Variants in CEP85 observed in about 807,000 individuals in gnomAD.
CEP85 encodes centrosomal protein 85, also known as centrosomal protein of 85 kDa.
A neutral mutation model predicts 93.7 loss-of-function variants in CEP85; 58 were observed. That is an observed-to-expected ratio of 0.62 (90% CI 0.50 to 0.77). The LOEUF is 0.77. Among genes scored for constraint, CEP85 ranks in the 30% least tolerant of loss-of-function variants. The pLI is 0.00. For synonymous variants in CEP85, 314 were observed against 338.6 expected, an observed-to-expected ratio of 0.93 and a Z score of 0.80; for missense variants, 868 against 922.0, an observed-to-expected ratio of 0.94 and a Z score of 0.76.
intron 12 of CEP85, 33 bp downstream of exon 12, chr1:26,275,104 C>T: frequency 2.0e-6 from 3 of 1,482,074 alleles, no homozygotes; most frequent in Non-Finnish European, 2.8e-6. Flanking sequence ...CTTGGTTTTG[C>T]CTCCACAAAC....
At chr1:26,275,257 C>G (rs921406512) in intron 12 of CEP85, among the ~76,000 whole-genome samples, 186 bp downstream of exon 12, 12 of 151,276 alleles carry the variant, frequency 7.9e-5, no homozygotes, top group Non-Finnish European at 1.8e-4. Flanking sequence ...CCTGTTTTAG[C>G]ATGTCCATAA....
chr1:26,278,760 T>C lies in CEP85; in HGVS notation c.*1467T>C, dbSNP rs2090089654. The C allele has an allele frequency of 6.6e-6, 1 of 152,552 alleles. No homozygotes were observed. Among genetic ancestry groups the C allele is most frequent in the Non-Finnish European group, 1.5e-5 (1 of 68,034 alleles). The allele number at this position is 152,552 out of a possible 1,614,324, so 9.4% of individuals were successfully genotyped here. On this transcript the variant is annotated 3_prime_UTR_variant, in exon 14 of 14. Transcript: ENST00000451429. ...TTTATATGAATCTTTGTTATGTCCA[T>C]TTGTTTGTATTGCGTATTTTGATTA... is the stretch of plus-strand genomic sequence containing the variant.
rs562714892 is a variant in CEP85, at chr1:26,244,964, C to T, written c.208+646C>T. 7.2e-5 allele frequency among the ~76,000 whole-genome samples: 11 copies of T among 152,264 alleles called. No homozygotes were observed. In the South Asian group the frequency reaches 1.4e-3, roughly 20 times the overall value. On this transcript the variant is annotated intron_variant, in intron 3 of 13. Coordinates refer to ENST00000451429, the MANE Select transcript of CEP85 (RefSeq NM_001319944.2). ...TTGGGCGATGAAGTTCAGAGTCTTC[C>T]GTTCTGTGATCGTCCCTATCCCACC...
At chr1:26,269,668 C>G (rs1045773668) in intron 9 of CEP85, 54 bp downstream of exon 9, 4 of 1,417,540 alleles carry the variant, frequency 2.8e-6, no homozygotes, top group Non-Finnish European at 2.9e-6. Flanking sequence ...TTTGTCATAG[C>G]CATCCTGCTC....
At chr1:26,239,639 A>C in intron 1 of CEP85, 123 bp from the exon 2 acceptor site, 2 of 633,270 alleles carry the variant, frequency 3.2e-6, no homozygotes, top group Non-Finnish European at 5.6e-6. Context: ...GGTGTGAGCC[A>C]CTGTGCCTGG....
chr1:26,277,062 C>A, intron 13 of CEP85, 74 bp from the exon 14 acceptor site: 1 of 1,436,986 alleles, frequency 7.0e-7, no homozygotes, highest in Non-Finnish European at 9.7e-7. Context: ...AAGATACTGC[C>A]TATCCATACT....
At chr1:26,266,535 C>T (rs182061173) in intron 7 of CEP85, among the ~76,000 whole-genome samples, 196 of 152,328 alleles carry the variant, frequency 1.3e-3, no homozygotes, top group Non-Finnish European at 1.9e-3. Context: ...CAGTAAGCTT[C>T]CCAGGTGATT....
intron 2 of CEP85, among the ~76,000 whole-genome samples, chr1:26,242,617 G>A (rs2089444761): frequency 1.3e-5 from 2 of 151,938 alleles, no homozygotes. Context: ...GATGAGAGAA[G>A]CACTAAACTT....
intron 7 of CEP85, among the ~76,000 whole-genome samples, chr1:26,261,066 C>G (rs1415005050): frequency 6.6e-6 from 1 of 151,468 alleles, no homozygotes; most frequent in Non-Finnish European, 1.5e-5. Flanking sequence ...GCTGGGATTA[C>G]AGATGTGACC....
In CEP85 at chr1:26,269,515, A is replaced by G. The variant is rs1355678755; in HGVS notation, c.1550A>G (p.Glu517Gly). The change falls in exon 9 of 14, where the codon GAG (glutamate) becomes GGG (glycine). Residue 517 changes from glutamate to glycine, a missense_variant. Physicochemically the swap from Glu to Gly is moderately conservative, Grantham distance 98 (BLOSUM62 -2). Transcript: ENST00000451429. Reference protein sequence around the residue: ...TELQEKVTELESLLEETQAIC... With the variant: ...TELQEKVTELGSLLEETQAIC... ...CTGCAGGAGAAAGTGACTGAGCTGG[A>G]GAGTTTGCTGGAGGAGACCCAGGCA... 1 of 1,613,974 alleles carries G rather than the reference A, an allele frequency of 6.2e-7. No homozygotes were observed. Among genetic ancestry groups the G allele is most frequent in the African/African-American group, 1.3e-5 (1 of 74,912 alleles).
chr1:26,266,124 G>A (rs896789477), intron 7 of CEP85, among the ~76,000 whole-genome samples: 1 of 151,902 alleles, frequency 6.6e-6, no homozygotes, highest in African/African-American at 2.4e-5. Context: ...CAGGAGAATC[G>A]CTTGAACCCG....
intron 9 of CEP85, among the ~76,000 whole-genome samples, 198 bp downstream of exon 9, chr1:26,269,812 A>T (rs1273827773): frequency 1.1e-5 from 1 of 90,278 alleles, no homozygotes; most frequent in Non-Finnish European, 2.0e-5. Flanking sequence ...TTTGAGACGG[A>T]GTCTTGCTCT....
intron 2 of CEP85, among the ~76,000 whole-genome samples, chr1:26,241,428 T>C (rs779757934): frequency 2.3e-4 from 35 of 151,908 alleles, no homozygotes; most frequent in Non-Finnish European, 4.1e-4. Flanking sequence ...CATTTTTTAA[T>C]AGAGACGGGG....
chr1:26,265,511 T>C (rs184988765), intron 7 of CEP85, among the ~76,000 whole-genome samples: 12 of 152,312 alleles, frequency 7.9e-5, no homozygotes, highest in Admixed American at 4.6e-4. Context: ...ATCTCTCTGA[T>C]TGATTTCTCC....
chr1:26,276,714 G>A lies in CEP85; in HGVS notation c.2082G>A (p.Arg694=), dbSNP rs1442336979. Residue 694 remains arginine, a synonymous_variant, in exon 13 of 14, where the codon AGG becomes AGA. Coordinates refer to ENST00000451429, the MANE Select transcript of CEP85 (RefSeq NM_001319944.2). ...LQAVCSIVTQ[R]AQGHDPNLSL... ...CTGTCTGTAGCATTGTGACCCAGAGGGCCCAGGGCCATGACCCCAATCTCT... is the reference window on the plus strand; with the variant it reads ...CTGTCTGTAGCATTGTGACCCAGAGAGCCCAGGGCCATGACCCCAATCTCT... The A allele has an allele frequency of 6.2e-7, 1 of 1,614,134 alleles. No homozygotes were observed. Among genetic ancestry groups the A allele is most frequent in the Non-Finnish European group, 8.5e-7 (1 of 1,180,012 alleles).
rs1158175598 is a variant in CEP85 at position 26,269,545 on chromosome 1, G to T, written c.1580G>T (p.Cys527Phe). 1 of 1,614,022 alleles carries T rather than the reference G, an allele frequency of 6.2e-7. No homozygotes were observed. The highest frequency in any genetic ancestry group is 8.5e-7 in the Non-Finnish European group (1 of 1,179,942). Residue 527 changes from cysteine to phenylalanine, a missense_variant, in exon 9 of 14, where the codon TGC (cysteine) becomes TTC (phenylalanine). By Grantham distance (205) the Cys-to-Phe change is radical. Transcript: ENST00000451429. ...TTGCTGGAGGAGACCCAGGCAATCT[G>T]CAGAGAGAAGGAGATTCAACTGGAA... The part of the protein sequence containing the change: ...ESLLEETQAI[C>F]REKEIQLESL...
chr1:26,274,414 T>C (rs1218454593), intron 11 of CEP85, among the ~76,000 whole-genome samples: 3 of 152,312 alleles, frequency 2.0e-5, no homozygotes, highest in East Asian at 1.9e-4. Flanking sequence ...AAGAAAGTTA[T>C]GTTTGAGTGG....
rs551503509 is a variant in CEP85 at position 26,268,550 on chromosome 1, G to A, written c.1409G>A (p.Arg470Gln). ...KKCQKESEQNREKQQRIETLE... is the reference protein window; with the variant it reads ...KKCQKESEQNQEKQQRIETLE... ...TGCCAGAAGGAATCAGAGCAGAACC[G>A]GGAGAAGCAGCAGCGTATTGAGACC... Residue 470 changes from arginine (R) to glutamine (Q), a missense_variant, in exon 8 of 14, where the codon CGG (arginine) becomes CAG (glutamine). By Grantham distance (43) the Arg-to-Gln change is conservative. Transcript: ENST00000451429. 2.2e-5 allele frequency: 35 copies of A among 1,614,070 alleles called. No homozygotes were observed. Among genetic ancestry groups the A allele is most frequent in the African/African-American group, 5.3e-5 (4 of 75,044 alleles).
intron 6 of CEP85, among the ~76,000 whole-genome samples, chr1:26,258,967 G>T (rs535600120): frequency 4.6e-5 from 7 of 152,180 alleles, no homozygotes; most frequent in Non-Finnish European, 1.0e-4. Context: ...AATGGTTGTG[G>T]GGCTTTAGAG....
Sources: allele counts gnomAD v4.1 joint callset (sites outside exome capture counted in the v4.1 genomes callset), GRCh38; gene constraint gnomAD v4.1.1; transcripts MANE v1.5; gene names NCBI Gene and HGNC (gene_info 2026-07-23, HGNC 2026-07-21).